The following ERC2 variants were observed in gnomAD, a reference collection of about 807,000 sequenced individuals.
The protein encoded by ERC2 is ELKS/RAB6-interacting/CAST family member 2.
ERC2 carries 42 observed loss-of-function variants against 114.8 expected under a neutral mutation model. The observed-to-expected ratio is 0.37, with a 90% CI of 0.29 to 0.47. The LOEUF is 0.47. Among genes scored for constraint, ERC2 ranks in the 20% least tolerant of loss-of-function variants. The pLI is 0.99. For synonymous variants in ERC2, 454 were observed against 425.5 expected (o/e 1.07, Z -0.82); for missense variants, 939 against 1,150.7 (o/e 0.82, Z 2.66).
At chr3:55,792,112 C>T (rs909151819) in intron 14 of ERC2, among the ~76,000 whole-genome samples, 15 of 152,236 alleles carry the variant, frequency 9.9e-5, no homozygotes, top group Middle Eastern at 3.4e-3. Context: ...AACAGATAAA[C>T]AGACTATAAC....
intron 13 of ERC2, among the ~76,000 whole-genome samples, chr3:55,905,049 A>G (rs1208691385): frequency 1.3e-5 from 2 of 152,160 alleles, no homozygotes; most frequent in Admixed American, 6.5e-5. Context: ...AAGGAGACAA[A>G]TCACCAAGCT....
intron 2 of ERC2, among the ~76,000 whole-genome samples, chr3:56,327,018 G>T (rs983838211): frequency 6.6e-6 from 1 of 152,172 alleles, no homozygotes; most frequent in Admixed American, 6.5e-5. Context: ...TGCCTGGGAG[G>T]CCAAGAAGCC....
In ERC2 at chr3:55,836,225, A is replaced by C. The variant is rs1244380428; in HGVS notation, c.2564+52164T>G. 2.6e-5 allele frequency among the ~76,000 whole-genome samples: 4 copies of C among 152,210 alleles called. No individual in the cohort carries two copies. The East Asian group carries it at 7.7e-4, about 29-fold the overall frequency. On this transcript the variant is annotated intron_variant, in intron 14 of 17. Transcript: ENST00000288221. ...TGCCATCCCCATCAAGTTAACAATG[A>C]CTTTCTTCACAGAATTGGAAAAAAC...
chr3:55,539,557 G>C (rs1410502288), intron 17 of ERC2, among the ~76,000 whole-genome samples: 6 of 150,068 alleles, frequency 4.0e-5, no homozygotes, highest in Admixed American at 4.0e-4. Flanking sequence ...CGAGTAGTTG[G>C]GACTACAGAC....
At chr3:56,282,423 C>T (rs962213212) in intron 3 of ERC2, among the ~76,000 whole-genome samples, 1 of 151,990 alleles carries the variant, frequency 6.6e-6, no homozygotes, top group African/African-American at 2.4e-5. Context: ...AGAAAACAAA[C>T]CAGAAAGAAG....
intron 2 of ERC2, among the ~76,000 whole-genome samples, chr3:56,365,325 C>A (rs2059109097): frequency 6.6e-6 from 1 of 152,204 alleles, no homozygotes; most frequent in Admixed American, 6.5e-5. Flanking sequence ...CAATTGCCTA[C>A]AGTATTCAGT....
intron 12 of ERC2, among the ~76,000 whole-genome samples, chr3:55,981,930 C>T (rs2070173908): frequency 6.6e-6 from 1 of 152,180 alleles, no homozygotes; most frequent in African/African-American, 2.4e-5. Flanking sequence ...ACTGCCGCCT[C>T]CCATGTGTGG....
intron 17 of ERC2, among the ~76,000 whole-genome samples, chr3:55,653,270 A>G (rs1435286181): frequency 1.3e-5 from 2 of 152,088 alleles, no homozygotes; most frequent in African/African-American, 2.4e-5. Flanking sequence ...CACTTTTTTC[A>G]TGAATTTTTC....
intron 14 of ERC2, among the ~76,000 whole-genome samples, chr3:55,862,437 G>A (rs2062072172): frequency 6.6e-6 from 1 of 152,148 alleles, no homozygotes; most frequent in Non-Finnish European, 1.5e-5. Context: ...ACACAGATGT[G>A]ATGGCTAGAG....
intron 6 of ERC2, among the ~76,000 whole-genome samples, chr3:56,104,722 C>T (rs1218776121): frequency 6.6e-6 from 1 of 151,774 alleles, no homozygotes; most frequent in Non-Finnish European, 1.5e-5. Context: ...CTTAAAATAT[C>T]CCCAAAGAAT....
intron 17 of ERC2, among the ~76,000 whole-genome samples, chr3:55,532,878 G>T (rs1230007295): frequency 6.6e-6 from 1 of 152,234 alleles, no homozygotes; most frequent in Non-Finnish European, 1.5e-5. Context: ...TGGGTGCTGG[G>T]ATGATAGCAG....
chr3:55,796,693 G>A (rs1575624344), intron 14 of ERC2, among the ~76,000 whole-genome samples: 1 of 152,190 alleles, frequency 6.6e-6, no homozygotes, highest in African/African-American at 2.4e-5. Context: ...CCGAAGTGCT[G>A]GGATTACAGG....
intron 2 of ERC2, among the ~76,000 whole-genome samples, chr3:56,370,951 A>G (rs780840015): frequency 6.6e-6 from 1 of 152,144 alleles, no homozygotes; most frequent in Non-Finnish European, 1.5e-5. Flanking sequence ...CATTTTTGCC[A>G]CAGTGGTCAT....
chr3:56,318,323 G>A (rs558560001), intron 2 of ERC2, among the ~76,000 whole-genome samples: 1 of 152,132 alleles, frequency 6.6e-6, no homozygotes, highest in Non-Finnish European at 1.5e-5. Context: ...CTACAGGCAT[G>A]TGCCACCATG....
chr3:56,132,847 A>G (rs753511333), intron 6 of ERC2, among the ~76,000 whole-genome samples: 46 of 152,214 alleles, frequency 3.0e-4, no homozygotes, highest in African/African-American at 7.0e-4. Flanking sequence ...GTCTTTAAAC[A>G]TATTTAAGGA....
At chr3:56,175,328 C>T (rs2150029838) in intron 3 of ERC2, among the ~76,000 whole-genome samples, 1 of 152,324 alleles carries the variant, frequency 6.6e-6, no homozygotes, top group Non-Finnish European at 1.5e-5. Flanking sequence ...AAAATGCTCT[C>T]ACATCAGTCA....
At chr3:56,031,397 A>G (rs939270599) in intron 7 of ERC2, among the ~76,000 whole-genome samples, 3 of 152,200 alleles carry the variant, frequency 2.0e-5, no homozygotes, top group African/African-American at 7.2e-5. Flanking sequence ...GGCCCCATGC[A>G]ACCAGGTACC....
intron 12 of ERC2, among the ~76,000 whole-genome samples, chr3:55,958,344 C>T (rs1478872807): frequency 1.3e-5 from 2 of 152,136 alleles, no homozygotes; most frequent in Admixed American, 6.5e-5. Context: ...TTCATGGGCT[C>T]AGAAGGGAGA....
intron 7 of ERC2, among the ~76,000 whole-genome samples, chr3:56,023,660 A>G (rs1303531695): frequency 6.6e-6 from 1 of 152,114 alleles, no homozygotes; most frequent in African/African-American, 2.4e-5. Context: ...CAACTTGGCC[A>G]TGAGCACAAT....
Sources: gnomAD v4.1 joint callset for allele counts (sites outside exome capture counted in the v4.1 genomes callset) on GRCh38, gnomAD v4.1.1 for gene constraint, MANE v1.5 for transcripts, NCBI Gene and HGNC (gene_info 2026-07-23, HGNC 2026-07-21) for gene names.